Variants in PTPRN2 observed in about 807,000 individuals in gnomAD.
PTPRN2 encodes the protein protein tyrosine phosphatase receptor type N2.
Under a neutral mutation model 118.8 loss-of-function variants are expected in PTPRN2, and 74 were observed. The ratio of observed to expected loss-of-function variants is 0.62; its 90% CI spans 0.52 to 0.76. PTPRN2 has a LOEUF of 0.76. PTPRN2 is among the 30% of genes least tolerant of loss of function. PTPRN2 has a pLI of 0.00. For missense variants in PTPRN2, 1,481 were observed against 1,394.4 expected (o/e 1.06, Z -0.99); for synonymous variants, 641 against 608.0 (o/e 1.05, Z -0.80).
At chr7:158,234,017 G>A (rs73176124) in intron 3 of PTPRN2, among the ~76,000 whole-genome samples, 24,469 of 151,962 alleles carry the variant, frequency 0.16, 2,302 homozygotes, top group Non-Finnish European at 0.22. Flanking sequence ...CTATGAAACC[G>A]CTAAAAGAAA....
chr7:157,697,525 G>T (rs570999506), intron 12 of PTPRN2, among the ~76,000 whole-genome samples: 63 of 133,562 alleles, frequency 4.7e-4, no homozygotes, highest in African/African-American at 1.8e-3. Flanking sequence ...ATCTACCCAT[G>T]CATACTGGAT....
chr7:158,525,587 C>G lies in PTPRN2; in HGVS notation c.113-35802G>C, dbSNP rs1026674106. Among the ~76,000 whole-genome samples, 1 of 152,214 alleles carries G rather than the reference C, an allele frequency of 6.6e-6. No individual in the cohort carries two copies. Among genetic ancestry groups the G allele is most frequent in the Non-Finnish European group, 1.5e-5 (1 of 68,036 alleles). On this transcript the variant is annotated intron_variant, in intron 1 of 22. Transcript: ENST00000389418. This position sits in a 1 kb window ranked among gnomAD's most constrained non-coding sequence, Gnocchi z 4.1. ...TCTCCTCCCTTCCTCCTGAGAGGTC[C>G]TACGGGATGGAGTATTAATAGTGCC...
chr7:158,264,567 TG>T (rs906529336), intron 3 of PTPRN2, among the ~76,000 whole-genome samples: 1 of 152,082 alleles, frequency 6.6e-6, no homozygotes, highest in Non-Finnish European at 1.5e-5. Context: ...CAGGTGACAG[TG>T]GGGACCATCG....
chr7:158,188,666 G>A (rs1489735737), intron 5 of PTPRN2, among the ~76,000 whole-genome samples: 19 of 125,874 alleles, frequency 1.5e-4, no homozygotes, highest in Admixed American at 1.1e-3. Flanking sequence ...GGGGAAGGCC[G>A]CCACGCTCGC....
chr7:158,181,245 G>A (rs147203405), intron 5 of PTPRN2, among the ~76,000 whole-genome samples: 1 of 152,218 alleles, frequency 6.6e-6, no homozygotes, highest in African/African-American at 2.4e-5. Context: ...CACATTTACT[G>A]ACTTGCATGT....
In PTPRN2 at chr7:158,015,870, G is replaced by T. The variant is rs375367926; in HGVS notation, c.1723+65428C>A. On this transcript the variant is annotated intron_variant, in intron 11 of 22. Coordinates refer to ENST00000389418, the MANE Select transcript of PTPRN2 (RefSeq NM_002847.5). The surrounding 1 kb of genome is among the most constrained non-coding windows in gnomAD (Gnocchi z 4.2). ...CACGGAAGCCGCGATCGAGGAGGAG[G>T]GGGAACAAAAGGGTCAGCTTCCGCT... 6.6e-6 allele frequency among the ~76,000 whole-genome samples: 1 copy of T among 152,144 alleles called. No homozygotes were observed. Among genetic ancestry groups the T allele is most frequent in the African/African-American group, 2.4e-5 (1 of 41,418 alleles).
At chr7:158,196,685 C>T (rs1429256440) in intron 4 of PTPRN2, among the ~76,000 whole-genome samples, 1 of 152,190 alleles carries the variant, frequency 6.6e-6, no homozygotes, top group Non-Finnish European at 1.5e-5. Flanking sequence ...GGGCCCTGCC[C>T]ACGGCTAGTG....
intron 12 of PTPRN2, among the ~76,000 whole-genome samples, chr7:157,726,604 C>T (rs1434748290): frequency 3.3e-5 from 5 of 152,224 alleles, no homozygotes; most frequent in Admixed American, 6.5e-5. Context: ...GCCACGATTT[C>T]CTGGATATAA....
intron 1 of PTPRN2, among the ~76,000 whole-genome samples, chr7:158,504,786 T>G (rs1397816342): frequency 6.6e-6 from 1 of 152,236 alleles, no homozygotes; most frequent in Non-Finnish European, 1.5e-5. Context: ...CAATTCCCTC[T>G]TGAAGAAACT....
chr7:158,076,704 ACCCACGCTAGTC>A (rs1239733054), intron 11 of PTPRN2, among the ~76,000 whole-genome samples: 1 of 151,568 alleles, frequency 6.6e-6, no homozygotes, highest in African/African-American at 2.4e-5. Context: ...AGCCCCTGAG[ACCCACGCTAGTC>A]CCTGTGCTCT....
At position 157,813,954 on chromosome 7, in the gene PTPRN2, G is replaced by A. The variant is rs1022132523; in HGVS notation, c.1788+84719C>T. ...CCGTGAGAGCCCCGACACAAGTCGCGGTTTGTGGTGCTTTGGAGGAGTTTG... is the reference window on the plus strand; with the variant it reads ...CCGTGAGAGCCCCGACACAAGTCGCAGTTTGTGGTGCTTTGGAGGAGTTTG... On this transcript the variant is annotated intron_variant, in intron 12 of 22. Transcript: ENST00000389418. This position sits in a 1 kb window ranked among gnomAD's most constrained non-coding sequence, Gnocchi z 4.7. Among the ~76,000 whole-genome samples, 2 of 152,246 alleles carry A rather than the reference G, an allele frequency of 1.3e-5. No individual in the cohort carries two copies. Among genetic ancestry groups the A allele is most frequent in the African/African-American group, 2.4e-5 (1 of 41,472 alleles).
At chr7:157,639,101 A>T (rs1804515521) in intron 14 of PTPRN2, among the ~76,000 whole-genome samples, 1 of 146,724 alleles carries the variant, frequency 6.8e-6, no homozygotes, top group Non-Finnish European at 1.5e-5. Context: ...CAGTGGTGTG[A>T]TCTCGGCTCA....
In PTPRN2 at chr7:157,794,899, G is replaced by T. The variant is rs1418202769; in HGVS notation, c.1788+103774C>A. Among the ~76,000 whole-genome samples, 1 of 152,228 alleles carries T rather than the reference G, an allele frequency of 6.6e-6. No homozygotes were observed. Among genetic ancestry groups the T allele is most frequent in the Non-Finnish European group, 1.5e-5 (1 of 68,046 alleles). ...TGTCATGCTAAAGCACATCACCTCG[G>T]TCCTCAGAGAGGAGGGATTTCCATG... is the stretch of plus-strand genomic sequence containing the variant. On this transcript the variant is annotated intron_variant, in intron 12 of 22. Coordinates refer to ENST00000389418, the MANE Select transcript of PTPRN2 (RefSeq NM_002847.5). The surrounding 1 kb of genome is among the most constrained non-coding windows in gnomAD (Gnocchi z 5.2).
At chr7:158,131,785 G>A (rs578039617) in intron 9 of PTPRN2, among the ~76,000 whole-genome samples, 9 of 142,960 alleles carry the variant, frequency 6.3e-5, no homozygotes, top group South Asian at 2.3e-4. Context: ...ACATCTACCC[G>A]ACATACACAC....
chr7:157,582,264 T>C (rs1253023099), intron 17 of PTPRN2, among the ~76,000 whole-genome samples: 1 of 152,196 alleles, frequency 6.6e-6, no homozygotes, highest in East Asian at 1.9e-4. Context: ...CTCTTCACTC[T>C]AGGTCCTTTT....
At chr7:158,108,368 A>G (rs962773308) in intron 10 of PTPRN2, among the ~76,000 whole-genome samples, 1 of 151,980 alleles carries the variant, frequency 6.6e-6, no homozygotes, top group East Asian at 1.9e-4. Flanking sequence ...AGCTCTAGTC[A>G]GACCATCTCA....
chr7:158,547,406 G>A (rs572240923), intron 1 of PTPRN2, among the ~76,000 whole-genome samples: 28 of 148,916 alleles, frequency 1.9e-4, no homozygotes, highest in African/African-American at 6.7e-4. Flanking sequence ...CCCAGCCCCC[G>A]GCAACACCAA....
At chr7:158,094,040 A>C (rs999131336) in intron 10 of PTPRN2, among the ~76,000 whole-genome samples, 22 of 152,192 alleles carry the variant, frequency 1.4e-4, no homozygotes, top group Non-Finnish European at 2.9e-4. Flanking sequence ...TGTGCCAGGG[A>C]ATGTCTTGCC....
intron 11 of PTPRN2, among the ~76,000 whole-genome samples, chr7:157,943,754 G>A (rs1379094386): frequency 2.0e-5 from 3 of 151,296 alleles, no homozygotes; most frequent in Non-Finnish European, 2.9e-5. Context: ...CGAAGCCCCC[G>A]CCTCCTCTGC....
Sources: gnomAD v4.1 joint callset for allele counts (sites outside exome capture counted in the v4.1 genomes callset) on GRCh38, gnomAD v4.1.1 for gene constraint, Gnocchi (gnomAD v3.1) non-coding constraint, MANE v1.5 for transcripts, NCBI Gene and HGNC (gene_info 2026-07-23, HGNC 2026-07-21) for gene names.